The following MED12L variants were observed in gnomAD, a reference collection of about 807,000 sequenced individuals.
MED12L encodes the protein mediator of RNA polymerase II transcription subunit 12-like protein.
MED12L carries 60 observed loss-of-function variants against 281.3 expected under a neutral mutation model. That is an observed-to-expected ratio of 0.21 (90% CI 0.17 to 0.26). The LOEUF is 0.26. MED12L is among the 10% of genes least tolerant of loss of function. The probability of loss-of-function intolerance (pLI) is 1.00; values close to 1 mark genes in which losing one functional copy is unlikely to be tolerated. For synonymous variants in MED12L, 974 were observed against 987.2 expected, an observed-to-expected ratio of 0.99 and a Z score of 0.25; for missense variants, 2,146 against 2,680.9, an observed-to-expected ratio of 0.80 and a Z score of 4.41.
intron 39 of MED12L, among the ~76,000 whole-genome samples, chr3:151,403,114 CTTCAT>C (rs1488709042): frequency 6.6e-6 from 1 of 151,450 alleles, no homozygotes; most frequent in African/African-American, 2.4e-5. Context: ...TAATTATAGT[CTTCAT>C]TTCACTGTTA....
chr3:151,357,145 TA>T, intron 19 of MED12L, 67 bp from the exon 20 acceptor site: 3 of 1,358,484 alleles, frequency 2.2e-6, no homozygotes, highest in Non-Finnish European at 3.0e-6. Flanking sequence ...CTATGGTTTA[TA>T]AAAATAAATG....
intron 11 of MED12L, among the ~76,000 whole-genome samples, chr3:151,184,401 A>G (rs1201700625): frequency 1.3e-5 from 2 of 152,220 alleles, no homozygotes; most frequent in African/African-American, 4.8e-5. Context: ...TGGATTCTAC[A>G]GTATTAACTT....
chr3:151,343,742 T>C, intron 16 of MED12L, among the ~76,000 whole-genome samples: 1 of 125,872 alleles, frequency 7.9e-6, no homozygotes, highest in East Asian at 2.3e-4. Context: ...ATTTTTACTT[T>C]TAAGTGGCTT....
Position 151,278,726 on chromosome 3 carries a change from G to T in MED12L, c.2251-71333G>T, listed in dbSNP as rs1031202313. On this transcript the variant is annotated intron_variant, in intron 16 of 44. Transcript: ENST00000687756. ...GTGGAGAACTGATGTGTAAGATATG[G>T]TTCTTTCTGAAGCACCCTCAGAAAA... 1.3e-5 allele frequency among the ~76,000 whole-genome samples: 2 copies of T among 152,256 alleles called. 1 individual carries two copies. Among genetic ancestry groups the T allele is most frequent in the Middle Eastern group, 6.8e-3 (2 of 294 alleles).
At chr3:151,298,333 A>G (rs973785360) in intron 16 of MED12L, among the ~76,000 whole-genome samples, 19 of 152,230 alleles carry the variant, frequency 1.2e-4, no homozygotes, top group African/African-American at 4.6e-4. Context: ...GTTAGGAAAC[A>G]TCTTTAATTG....
intron 16 of MED12L, among the ~76,000 whole-genome samples, chr3:151,268,220 C>T (rs1740207122): frequency 6.6e-6 from 1 of 151,516 alleles, no homozygotes; most frequent in Non-Finnish European, 1.5e-5. Context: ...TAGAAAATGT[C>T]TCTTGAGAGT....
At chr3:151,363,465 CCT>C in intron 21 of MED12L, among the ~76,000 whole-genome samples, 1 of 152,264 alleles carries the variant, frequency 6.6e-6, no homozygotes, top group South Asian at 2.1e-4. Context: ...ACACTGGTCA[CCT>C]CTACCACTGA....
At chr3:151,146,017 G>A (rs183313166) in intron 5 of MED12L, among the ~76,000 whole-genome samples, 1 of 152,288 alleles carries the variant, frequency 6.6e-6, no homozygotes, top group Non-Finnish European at 1.5e-5. Flanking sequence ...CCGTTGCTGT[G>A]TTTAAAATGT....
chr3:151,145,890 G>A (rs765139780), intron 5 of MED12L, among the ~76,000 whole-genome samples: 28 of 152,236 alleles, frequency 1.8e-4, no homozygotes, highest in East Asian at 5.8e-4. Flanking sequence ...CAAAGGTGTC[G>A]CACCTGCCTC....
intron 2 of MED12L, among the ~76,000 whole-genome samples, chr3:151,108,982 G>C (rs1711499621): frequency 6.6e-6 from 1 of 152,064 alleles, no homozygotes; most frequent in Non-Finnish European, 1.5e-5. Context: ...CAAAAAATAA[G>C]ATCATTCTGT....
intron 16 of MED12L, among the ~76,000 whole-genome samples, chr3:151,250,230 C>G (rs144993842): frequency 6.6e-6 from 1 of 152,120 alleles, no homozygotes; most frequent in Non-Finnish European, 1.5e-5. Context: ...ATCCAATTGA[C>G]ATTTTGAAAG....
At chr3:151,169,701 G>A (rs1429250528) in intron 11 of MED12L, among the ~76,000 whole-genome samples, 2 of 152,186 alleles carry the variant, frequency 1.3e-5, no homozygotes, top group African/African-American at 4.8e-5. Context: ...CTAATGTGAT[G>A]ATGCTGTTCT....
At chr3:151,179,003 A>G (rs1176425987) in intron 11 of MED12L, among the ~76,000 whole-genome samples, 1 of 152,206 alleles carries the variant, frequency 6.6e-6, no homozygotes, top group Admixed American at 6.5e-5. Flanking sequence ...ACTTTAGTCC[A>G]TGACTAGAAT....
In MED12L at chr3:151,194,956, A is replaced by G. The variant is rs375524246; in HGVS notation, c.2250+1290A>G. ...GAGGTGGGCGGATCACGAGGTCAGG[A>G]GATCGAGACCATCCTGGCTAACATG... On this transcript the variant is annotated intron_variant, in intron 16 of 44. Coordinates refer to ENST00000687756, the MANE Select transcript of MED12L (RefSeq NM_001393769.1). Among the ~76,000 whole-genome samples, 16 of 152,240 alleles carry G rather than the reference A, an allele frequency of 1.1e-4. No individual in the cohort carries two copies. In the East Asian group the frequency reaches 2.7e-3, roughly 26 times the overall value.
chr3:151,307,550 TG>T (rs1746858432), intron 16 of MED12L, among the ~76,000 whole-genome samples: 1 of 132,910 alleles, frequency 7.5e-6, no homozygotes, highest in Non-Finnish European at 1.6e-5. Context: ...TGTGTGTGTG[TG>T]TGTGTGTGTG....
chr3:151,272,988 C>T (rs1401113462), intron 16 of MED12L, among the ~76,000 whole-genome samples: 1 of 152,108 alleles, frequency 6.6e-6, no homozygotes, highest in Non-Finnish European at 1.5e-5. Flanking sequence ...GCTGACATGA[C>T]TCTCAAAAGA....
At chr3:151,364,689 AG>A (rs1488241489) in intron 21 of MED12L, among the ~76,000 whole-genome samples, 1 of 152,200 alleles carries the variant, frequency 6.6e-6, no homozygotes, top group African/African-American at 2.4e-5. Context: ...TGATTTTTAA[AG>A]CATGTAAAAT....
At chr3:151,196,397 C>G (rs549459988) in intron 16 of MED12L, among the ~76,000 whole-genome samples, 1 of 152,026 alleles carries the variant, frequency 6.6e-6, no homozygotes, top group Non-Finnish European at 1.5e-5. Context: ...GAAAATCTGA[C>G]TAGCTTCTCA....
At chr3:151,255,309 G>GACTAAGTCAC (rs557066647) in intron 16 of MED12L, among the ~76,000 whole-genome samples, 3 of 152,236 alleles carry the variant, frequency 2.0e-5, no homozygotes, top group African/African-American at 7.2e-5. Context: ...CTTCATGTGT[G>GACTAAGTCAC]ACATGCAGTG....
Sources: gnomAD v4.1 joint callset for allele counts (sites outside exome capture counted in the v4.1 genomes callset) on GRCh38, gnomAD v4.1.1 for gene constraint, MANE v1.5 for transcripts, NCBI Gene and HGNC (gene_info 2026-07-23, HGNC 2026-07-21) for gene names.